The following FAM210A variants were observed in gnomAD, a reference collection of about 807,000 sequenced individuals.
FAM210A encodes the protein mitochondrial inner membrane scaffold 1.
A neutral mutation model predicts 25.3 loss-of-function variants in FAM210A; 13 were observed. The observed-to-expected ratio is 0.51, with a 90% CI of 0.33 to 0.82. The LOEUF is 0.82. Among genes scored for constraint, FAM210A ranks in the 40% least tolerant of loss-of-function variants. The pLI, the probability that FAM210A is intolerant of heterozygous loss-of-function variation, is 0.02. For synonymous variants in FAM210A, 125 were observed against 118.7 expected, an observed-to-expected ratio of 1.05 and a Z score of -0.35; for missense variants, 319 against 323.2, an observed-to-expected ratio of 0.99 and a Z score of 0.10.
intron 2 of FAM210A, 64 bp from the exon 3 acceptor site, chr18:13,672,037 T>C: frequency 1.7e-6 from 2 of 1,163,648 alleles, no homozygotes; most frequent in South Asian, 1.4e-5. Context: ...AAAAATTATC[T>C]GAAAATACCA....
intron 1 of FAM210A, among the ~76,000 whole-genome samples, chr18:13,684,483 G>C (rs1391439460): frequency 6.6e-6 from 1 of 152,060 alleles, no homozygotes. Flanking sequence ...AGTTAAAGAG[G>C]GGCACTGTAT....
intron 1 of FAM210A, among the ~76,000 whole-genome samples, chr18:13,684,211 A>G (rs1281558309): frequency 6.6e-6 from 1 of 152,156 alleles, no homozygotes; most frequent in Non-Finnish European, 1.5e-5. Flanking sequence ...TCTGGCCAAC[A>G]TGGTGAAACC....
chr18:13,682,607 G>A (rs954067496), intron 1 of FAM210A, among the ~76,000 whole-genome samples: 6 of 151,938 alleles, frequency 3.9e-5, no homozygotes, highest in Non-Finnish European at 7.4e-5. Context: ...GGTGGCCCAC[G>A]CCTGTAATCC....
chr18:13,698,211 G>C (rs1435214078), intron 1 of FAM210A, among the ~76,000 whole-genome samples: 8 of 151,832 alleles, frequency 5.3e-5, no homozygotes, highest in Non-Finnish European at 8.8e-5. Context: ...AAATTAGCTG[G>C]GCATGGTGGC....
At chr18:13,711,657 TA>T (rs1338240517) in intron 1 of FAM210A, among the ~76,000 whole-genome samples, 24 of 152,240 alleles carry the variant, frequency 1.6e-4, no homozygotes, top group Non-Finnish European at 1.9e-4. Context: ...GTCTTGGTAA[TA>T]GACTCCTTTT....
chr18:13,671,690 C>CAA (rs59667158), intron 3 of FAM210A, among the ~76,000 whole-genome samples, 172 bp downstream of exon 3: 15 of 79,476 alleles, frequency 1.9e-4, no homozygotes, highest in Admixed American at 4.1e-4. Flanking sequence ...ACTCCATCTC[C>CAA]AAAAAAAAAA....
At chr18:13,685,294 ATTT>A (rs71174190) in intron 1 of FAM210A, among the ~76,000 whole-genome samples, 7 of 143,736 alleles carry the variant, frequency 4.9e-5, no homozygotes, top group Non-Finnish European at 7.6e-5. Context: ...CTGCAAAGCC[ATTT>A]TTTTTTTTTT....
chr18:13,714,052 A>G (rs534938454), intron 1 of FAM210A, among the ~76,000 whole-genome samples: 1 of 152,356 alleles, frequency 6.6e-6, no homozygotes, highest in East Asian at 1.9e-4. Context: ...AACAGTTACA[A>G]AAGAACTTAA....
chr18:13,694,378 T>C (rs1249411749), intron 1 of FAM210A, among the ~76,000 whole-genome samples: 1 of 152,210 alleles, frequency 6.6e-6, no homozygotes, highest in African/African-American at 2.4e-5. Context: ...TTAAAGTTCA[T>C]ATGGAACCAA....
intron 1 of FAM210A, among the ~76,000 whole-genome samples, chr18:13,717,623 T>C (rs1237518853): frequency 2.0e-5 from 3 of 152,240 alleles, no homozygotes; most frequent in Non-Finnish European, 4.4e-5. Context: ...AAAAATAAAG[T>C]ACAGAGAAGT....
chr18:13,667,606 A>T (rs912332567), intron 3 of FAM210A, among the ~76,000 whole-genome samples: 1 of 152,100 alleles, frequency 6.6e-6, no homozygotes, highest in African/African-American at 2.4e-5. Context: ...GTAATCCCAG[A>T]TATTTGAGAA....
chr18:13,716,473 G>A (rs989685054), intron 1 of FAM210A, among the ~76,000 whole-genome samples: 1 of 152,172 alleles, frequency 6.6e-6, no homozygotes, highest in Non-Finnish European at 1.5e-5. Flanking sequence ...CATGGTTTGG[G>A]GACCTAATTC....
At chr18:13,702,586 TC>T (rs1601961208) in intron 1 of FAM210A, among the ~76,000 whole-genome samples, 1 of 152,210 alleles carries the variant, frequency 6.6e-6, no homozygotes, top group Non-Finnish European at 1.5e-5. Context: ...ATTTTAAGGT[TC>T]ATGTCACGGG....
intron 1 of FAM210A, among the ~76,000 whole-genome samples, chr18:13,715,580 T>C (rs78905423): frequency 6.6e-6 from 1 of 152,190 alleles, no homozygotes; most frequent in African/African-American, 2.4e-5. Context: ...GTGAGATTCA[T>C]TATCATGGGT....
intron 1 of FAM210A, among the ~76,000 whole-genome samples, chr18:13,717,107 G>A (rs1045396976): frequency 1.1e-4 from 16 of 152,140 alleles, no homozygotes; most frequent in Admixed American, 7.2e-4. Context: ...AGCAAGGCTG[G>A]GGTGGATAGA....
At chr18:13,717,648 T>C (rs555698514) in intron 1 of FAM210A, among the ~76,000 whole-genome samples, 16 of 152,296 alleles carry the variant, frequency 1.1e-4, no homozygotes, top group African/African-American at 3.4e-4. Flanking sequence ...AAGAGGAAGA[T>C]ACATTTTGAA....
At chr18:13,696,486 C>G (rs771478148) in intron 1 of FAM210A, among the ~76,000 whole-genome samples, 22 of 152,106 alleles carry the variant, frequency 1.4e-4, no homozygotes, top group Non-Finnish European at 1.9e-4. Flanking sequence ...GACTTGTATC[C>G]AATACAGTCA....
intron 1 of FAM210A, among the ~76,000 whole-genome samples, chr18:13,717,897 C>G (rs140086136): frequency 6.6e-6 from 1 of 152,118 alleles, no homozygotes; most frequent in African/African-American, 2.4e-5. Flanking sequence ...AACAAGGTAC[C>G]GTATGATGAA....
intron 1 of FAM210A, among the ~76,000 whole-genome samples, chr18:13,684,162 C>T (rs186037508): frequency 4.6e-5 from 7 of 152,096 alleles, no homozygotes; most frequent in Admixed American, 2.0e-4. Context: ...TTTGGGATGC[C>T]GAGGCAGGCA....
Sources: gnomAD v4.1 joint callset for allele counts (sites outside exome capture counted in the v4.1 genomes callset) on GRCh38, gnomAD v4.1.1 for gene constraint, MANE v1.5 for transcripts, NCBI Gene and HGNC (gene_info 2026-07-23, HGNC 2026-07-21) for gene names.